The following NUP205 variants were observed in gnomAD, a reference collection of about 807,000 sequenced individuals.
NUP205 encodes the protein nucleoporin 205.
NUP205 carries 76 observed loss-of-function variants against 253.8 expected under a neutral mutation model. That is an observed-to-expected ratio of 0.30 (90% CI 0.25 to 0.36). NUP205 has a LOEUF of 0.36. Among genes scored for constraint, NUP205 ranks in the 10% least tolerant of loss-of-function variants. The probability of loss-of-function intolerance (pLI) is 1.00; values close to 1 mark genes in which losing one functional copy is unlikely to be tolerated. For synonymous variants in NUP205, 832 were observed against 850.1 expected (o/e 0.98, Z 0.37); for missense variants, 2,162 against 2,425.5 (o/e 0.89, Z 2.28).
chr7:135,564,549 G>GTTTT (rs1372051461), intron 1 of NUP205, among the ~76,000 whole-genome samples: 2 of 147,150 alleles, frequency 1.4e-5, no homozygotes, highest in Admixed American at 6.8e-5. Context: ...CGCCCGGCCT[G>GTTTT]TTTTTTTTTT....
intron 3 of NUP205, among the ~76,000 whole-genome samples, chr7:135,575,496 T>C (rs1806127200): frequency 6.6e-6 from 1 of 151,110 alleles, no homozygotes; most frequent in Non-Finnish European, 1.5e-5. Flanking sequence ...AAAGTACTCT[T>C]AAAAAAAAAG....
intron 8 of NUP205, among the ~76,000 whole-genome samples, chr7:135,585,506 T>G (rs1806433935): frequency 6.6e-6 from 1 of 152,166 alleles, no homozygotes; most frequent in African/African-American, 2.4e-5. Context: ...TTATACATGA[T>G]TTGGAAGAGG....
At chr7:135,644,762 A>G (rs1794975107) in intron 39 of NUP205, 133 bp from the exon 40 acceptor site, 18 of 825,298 alleles carry the variant, frequency 2.2e-5, no homozygotes, top group Non-Finnish European at 3.1e-5. Flanking sequence ...TTAGATAAAA[A>G]CTCTTATCTG....
At chr7:135,622,081 G>A (rs977609789) in intron 30 of NUP205, among the ~76,000 whole-genome samples, 4 of 151,650 alleles carry the variant, frequency 2.6e-5, no homozygotes, top group African/African-American at 9.7e-5. Flanking sequence ...AGGATTACAG[G>A]TGTGAGCCAC....
In NUP205 at chr7:135,594,734, G is replaced by A. The variant is rs754128808; in HGVS notation, c.2013+5G>A. On this transcript the variant is annotated splice_donor_5th_base_variant and intron_variant, in intron 13 of 42. Transcript: ENST00000285968. ...CAGTCATTGGAATACACTCAGGTAG[G>A]GCTCTGAAGTCCCTTATTTATATTA... 1.2e-6 allele frequency: 2 copies of A among 1,602,608 alleles called. No homozygotes were observed. Among genetic ancestry groups the A allele is most frequent in the South Asian group, 2.2e-5 (2 of 89,326 alleles).
At chr7:135,579,256 A>G (rs6467598) in intron 7 of NUP205, among the ~76,000 whole-genome samples, 149,607 of 151,614 alleles carry the variant, frequency 0.99, 73,839 homozygotes, top group Middle Eastern at 1. Flanking sequence ...GTGCAATGGC[A>G]CAGTCTCGGC....
At chr7:135,648,304 A>G in intron 42 of NUP205, 100 bp from the exon 43 acceptor site, 1 of 992,028 alleles carries the variant, frequency 1.0e-6, no homozygotes. Flanking sequence ...TGAAAGAACC[A>G]CATTACAAAA....
At chr7:135,608,013 G>T (rs1355794013) in intron 22 of NUP205, among the ~76,000 whole-genome samples, 1 of 135,908 alleles carries the variant, frequency 7.4e-6, no homozygotes, top group Non-Finnish European at 1.5e-5. Context: ...CATTGCCCAG[G>T]CTGGGAAAGC....
In NUP205 at chr7:135,618,412, G is replaced by A; in HGVS notation, c.3772G>A (p.Glu1258Lys). 6.2e-7 allele frequency: 1 copy of A among 1,613,464 alleles called. No individual in the cohort carries two copies. The highest frequency in any genetic ancestry group is 8.5e-7 in the Non-Finnish European group (1 of 1,179,682). Residue 1258 changes from glutamate to lysine, a missense_variant and splice_region_variant, in exon 28 of 43, where the codon GAA becomes AAA. This residue lies in a region of NUP205 where 1,144 missense variants were observed against 1,280.9 expected (regional missense o/e 0.89). Coordinates refer to ENST00000285968, the MANE Select transcript of NUP205 (RefSeq NM_015135.3). Reference sequence around the variant, plus strand: ...TGTGATTCAATTCCTGTGGCTTTAGGAAATCAGCACTGTACTTCAGTATGT... The same window carrying A: ...TGTGATTCAATTCCTGTGGCTTTAGAAAATCAGCACTGTACTTCAGTATGT... ...AIGQRPLLME[E>K]ISTVLQYVVG...
intron 41 of NUP205, chr7:135,645,864 A>G (rs964967432): frequency 8.7e-6 from 5 of 574,736 alleles, no homozygotes; most frequent in African/African-American, 5.6e-5. Context: ...CTCTAGAAGA[A>G]TGGAGGAGGT....
intron 14 of NUP205, 73 bp downstream of exon 14, chr7:135,597,491 TA>T: frequency 2.2e-6 from 2 of 891,874 alleles, no homozygotes; most frequent in Non-Finnish European, 3.7e-6. Context: ...GAATCATTCT[TA>T]CCCTTTTACG....
Position 135,584,939 on chromosome 7 carries a change from C to G in NUP205, c.1150C>G (p.Gln384Glu). 2 of 1,613,764 alleles carry G rather than the reference C, an allele frequency of 1.2e-6. No homozygotes were observed. The highest frequency in any genetic ancestry group is 2.2e-5 in the South Asian group (2 of 91,068). The change falls in exon 8 of 43, where the codon CAG becomes GAG. Residue 384 changes from glutamine (Q) to glutamate (E), a missense_variant. Physicochemically the swap from Gln to Glu is conservative, Grantham distance 29. Around this residue, in one of 5 missense-constraint regions of NUP205, gnomAD observed 892 missense variants for 957.1 expected, o/e 0.93. Coordinates refer to ENST00000285968, the MANE Select transcript of NUP205 (RefSeq NM_015135.3). The part of the protein sequence containing the change: ...ESVVVSEYFY[Q>E]EEFYIRRVHN... The stretch of plus-strand genomic sequence containing the variant: ...TGTAGTGGTATCAGAATACTTTTAT[C>G]AGGAAGAATTTTATATTCGCAGAGT...
intron 42 of NUP205, 132 bp from the exon 43 acceptor site, chr7:135,648,272 A>C: frequency 1.3e-6 from 1 of 741,486 alleles, no homozygotes. Context: ...AACACATTAC[A>C]AAAATTCAAA....
rs1337509607 is a variant in NUP205, at chr7:135,573,752, C to T, written c.270C>T (p.Leu90=). Residue 90 remains leucine, a synonymous_variant, in exon 3 of 43, where the codon CTC becomes CTT. Transcript: ENST00000285968. Reference sequence around the variant, plus strand: ...GAACTCGACTTCTTCCTGAACAGCTCATTAAAGAAGCCTTTATTCTCAGTG... The same window carrying T: ...GAACTCGACTTCTTCCTGAACAGCTTATTAAAGAAGCCTTTATTCTCAGTG... The part of the protein sequence containing the change: ...QQGTRLLPEQ[L]IKEAFILSDL... The T allele has an allele frequency of 3.7e-6, 6 of 1,613,840 alleles. No homozygotes were observed. In the South Asian group the frequency reaches 5.5e-5, roughly 15 times the overall value.
rs914190335 is a variant in NUP205 at position 135,648,542 on chromosome 7, A to G, written c.6025A>G (p.Ile2009Val). The change falls in exon 43 of 43, where the codon ATA becomes GTA. Residue 2009 changes from isoleucine to valine, a missense_variant. Ile to Val is a conservative substitution (Grantham distance 29). Transcript: ENST00000285968. ...LVRRIRGLLR[I>V]SRN is the part of the protein sequence containing the mutation. Reference sequence around the variant, plus strand: ...CAGACGTATCCGTGGCCTCTTGAGGATATCAAGGAACTGAGAGCCCGTGCT... The same window carrying G: ...CAGACGTATCCGTGGCCTCTTGAGGGTATCAAGGAACTGAGAGCCCGTGCT... 1.3e-5 allele frequency: 21 copies of G among 1,567,402 alleles called. No homozygotes were observed. The highest frequency in any genetic ancestry group is 1.7e-5 in the Non-Finnish European group (20 of 1,161,948).
At chr7:135,630,310 T>G (rs1794682553) in intron 34 of NUP205, 34 bp from the exon 35 acceptor site, 1 of 1,502,206 alleles carries the variant, frequency 6.7e-7, no homozygotes, top group Admixed American at 2.4e-5. Context: ...CTTCTACCTG[T>G]TTTTTCTATT....
At chr7:135,630,534 T>G in intron 35 of NUP205, 64 bp downstream of exon 35, 2 of 1,458,344 alleles carry the variant, frequency 1.4e-6, no homozygotes, top group Non-Finnish European at 1.8e-6. Flanking sequence ...ATTAATAGAA[T>G]GAGTTTTTTT....
At position 135,616,055 on chromosome 7, in the gene NUP205, A is replaced by G. The variant is rs928769041; in HGVS notation, c.3450A>G (p.Lys1150=). ...LHLLLDDMPV[K]PYSDGEGGIE... The stretch of plus-strand genomic sequence containing the variant: ...TCTTACTGGATGACATGCCAGTGAA[A>G]CCATACTCAGGTGAGTATTAGTATT... The change falls in exon 24 of 43, where the codon AAA becomes AAG. Residue 1150 remains lysine, a synonymous_variant. Transcript: ENST00000285968. 1.2e-6 allele frequency: 2 copies of G among 1,613,392 alleles called. No individual in the cohort carries two copies. The highest frequency in any genetic ancestry group is 2.2e-5 in the East Asian group (1 of 44,852).
Position 135,619,590 on chromosome 7 carries a change from ACCT to A in NUP205, c.4138_4140del (p.Pro1380del). The A allele has an allele frequency of 1.2e-6, 2 of 1,613,644 alleles. No individual in the cohort carries two copies. Among genetic ancestry groups the A allele is most frequent in the Non-Finnish European group, 8.5e-7 (1 of 1,179,900 alleles). Reference sequence around the variant, plus strand: ...TTATGCTTGATAGTTGCTTCACCTCACCTCCTCCTGAAGAGAACCCATTAGTGG... The same window carrying A: ...TTATGCTTGATAGTTGCTTCACCTCACCTCCTGAAGAGAACCCATTAGTGG... On this transcript the variant is annotated inframe_deletion, in exon 29 of 43. Coordinates refer to ENST00000285968, the MANE Select transcript of NUP205 (RefSeq NM_015135.3).
Sources: allele counts gnomAD v4.1 joint callset (sites outside exome capture counted in the v4.1 genomes callset), GRCh38; gene constraint gnomAD v4.1.1; regional missense constraint gnomAD v4.1.1; transcripts MANE v1.5; gene names NCBI Gene and HGNC (gene_info 2026-07-23, HGNC 2026-07-21).